The following EYS variants were observed in gnomAD, a reference collection of about 807,000 sequenced individuals.
EYS encodes EGF-like photoreceptor maintenance factor.
In EYS, 250 loss-of-function variants were observed where a neutral mutation model predicts 282.1. The ratio of observed to expected loss-of-function variants is 0.89; its 90% CI spans 0.80 to 0.98. The LOEUF (loss-of-function observed/expected upper bound fraction) is 0.98. Ranked by LOEUF, EYS falls within the 50% of genes least tolerant of loss-of-function variation. The pLI is 0.00. For missense variants in EYS, 4,016 were observed against 3,709.0 expected, an observed-to-expected ratio of 1.08 and a Z score of -2.15; for synonymous variants, 1,355 against 1,282.9, an observed-to-expected ratio of 1.06 and a Z score of -1.20.
intron 35 of EYS, among the ~76,000 whole-genome samples, chr6:63,868,526 A>G (rs1278098624): frequency 2.6e-5 from 4 of 152,154 alleles, no homozygotes; most frequent in Admixed American, 2.6e-4. Context: ...CCACAGTGTC[A>G]AGAGAGGGAG....
At chr6:64,866,323 A>G (rs1283735463) in intron 19 of EYS, among the ~76,000 whole-genome samples, 1 of 151,944 alleles carries the variant, frequency 6.6e-6, no homozygotes, top group Non-Finnish European at 1.5e-5. Flanking sequence ...ATTGCATCCT[A>G]TAGGCAACAA....
At chr6:64,168,448 ATC>A (rs1340586403) in intron 31 of EYS, among the ~76,000 whole-genome samples, 3 of 152,208 alleles carry the variant, frequency 2.0e-5, no homozygotes, top group Admixed American at 6.5e-5. Flanking sequence ...ACTCCTAGGT[ATC>A]TAAGCAAGAG....
chr6:63,898,612 T>C (rs1773591435), intron 35 of EYS, among the ~76,000 whole-genome samples: 1 of 152,138 alleles, frequency 6.6e-6, no homozygotes, highest in African/African-American at 2.4e-5. Flanking sequence ...TCCAAATTCT[T>C]GATAGTGTTT....
At chr6:65,704,578 A>G (rs778371504) in intron 1 of EYS, among the ~76,000 whole-genome samples, 6 of 152,222 alleles carry the variant, frequency 3.9e-5, no homozygotes, top group Non-Finnish European at 7.3e-5. Context: ...TCACAAAATA[A>G]TAGACTGTTA....
At chr6:64,018,587 C>A (rs891070385) in intron 33 of EYS, among the ~76,000 whole-genome samples, 1 of 151,944 alleles carries the variant, frequency 6.6e-6, no homozygotes, top group Admixed American at 6.6e-5. Flanking sequence ...TGATGTCTAG[C>A]ATATGGTAGA....
Position 64,437,715 on chromosome 6 carries a change from ATATGAAGGC to A in EYS, c.5835+1438_5835+1446del, listed in dbSNP as rs570272078. ...AGAATTATACCTGGGACATAATTAT[ATATGAAGGC>A]TATGAAGGCTAGCTTTTTTTTCCTT... On this transcript the variant is annotated intron_variant, in intron 27 of 42. Coordinates refer to ENST00000503581, the MANE Select transcript of EYS (RefSeq NM_001142800.2). Among the ~76,000 whole-genome samples the A allele has an allele frequency of 7.5e-4, 113 of 151,344 alleles. 1 individual carries two copies. The East Asian group carries it at 0.019, about 25-fold the overall frequency.
intron 29 of EYS, among the ~76,000 whole-genome samples, chr6:64,373,644 A>T (rs980313435): frequency 1.3e-5 from 2 of 152,152 alleles, no homozygotes; most frequent in African/African-American, 4.8e-5. Flanking sequence ...AAATTCAGGA[A>T]GAAGTAGGAC....
chr6:63,981,384 ATTG>A (rs765851361), intron 35 of EYS, among the ~76,000 whole-genome samples: 85 of 151,872 alleles, frequency 5.6e-4, no homozygotes, highest in Non-Finnish European at 9.6e-4. Flanking sequence ...TTAAAAAAAA[ATTG>A]TTGTTCTGGA....
In EYS at chr6:64,184,326, A is replaced by G. The variant is rs185621592; in HGVS notation, c.6424+46266T>C. On this transcript the variant is annotated intron_variant, in intron 31 of 42. Transcript: ENST00000503581. Reference sequence around the variant, plus strand: ...TGAATCTTCTAGTTATTTGATCAAAAAAGCTACCTAACCATGTGCCTTCTG... The same window carrying G: ...TGAATCTTCTAGTTATTTGATCAAAGAAGCTACCTAACCATGTGCCTTCTG... 8.2e-3 allele frequency among the ~76,000 whole-genome samples: 1,242 copies of G among 152,300 alleles called. 11 individuals carry two copies. The highest frequency in any genetic ancestry group is 0.014 in the Non-Finnish European group (940 of 68,030).
intron 11 of EYS, among the ~76,000 whole-genome samples, chr6:65,309,433 G>C (rs908235216): frequency 6.6e-6 from 1 of 152,112 alleles, no homozygotes; most frequent in Non-Finnish European, 1.5e-5. Flanking sequence ...CATGGGGCCT[G>C]ATAGACTTGT....
chr6:65,301,373 G>T (rs1768818990), intron 11 of EYS, among the ~76,000 whole-genome samples: 1 of 152,190 alleles, frequency 6.6e-6, no homozygotes, highest in East Asian at 1.9e-4. Context: ...CGTCATAGAG[G>T]AACTACACCT....
chr6:65,700,298 C>T (rs1340804791), intron 1 of EYS, among the ~76,000 whole-genome samples: 1 of 151,640 alleles, frequency 6.6e-6, no homozygotes, highest in Non-Finnish European at 1.5e-5. Flanking sequence ...TCAACTAAGA[C>T]CGTGACAGTG....
chr6:64,545,425 GC>G (rs1277131780), intron 26 of EYS, among the ~76,000 whole-genome samples: 1 of 152,160 alleles, frequency 6.6e-6, no homozygotes, highest in African/African-American at 2.4e-5. Flanking sequence ...TACCGAATGA[GC>G]AAAAACTGGA....
intron 28 of EYS, among the ~76,000 whole-genome samples, chr6:64,424,644 C>A (rs1229711891): frequency 6.6e-6 from 1 of 152,136 alleles, no homozygotes; most frequent in Non-Finnish European, 1.5e-5. Context: ...CAACACCTGC[C>A]CACCGTTGAA....
intron 30 of EYS, among the ~76,000 whole-genome samples, chr6:64,281,688 G>C (rs1373419113): frequency 2.6e-5 from 4 of 151,964 alleles, no homozygotes; most frequent in Non-Finnish European, 5.9e-5. Context: ...GTAATGTCTG[G>C]TCATTTCTAG....
intron 2 of EYS, among the ~76,000 whole-genome samples, chr6:65,545,253 C>A (rs1381467285): frequency 1.4e-5 from 2 of 144,602 alleles, no homozygotes; most frequent in Non-Finnish European, 3.0e-5. Context: ...TTTTTTTTTT[C>A]TCTGATCATT....
chr6:64,423,520 C>G (rs1774303284), intron 28 of EYS, among the ~76,000 whole-genome samples: 1 of 152,100 alleles, frequency 6.6e-6, no homozygotes. Context: ...TGATACAATA[C>G]CAACAGAGGA....
chr6:64,806,626 G>A (rs1764437807), intron 22 of EYS, among the ~76,000 whole-genome samples: 1 of 151,882 alleles, frequency 6.6e-6, no homozygotes, highest in Non-Finnish European at 1.5e-5. Flanking sequence ...AAGGTAGAAA[G>A]AGTAATAAAG....
intron 29 of EYS, among the ~76,000 whole-genome samples, chr6:64,350,379 T>C (rs547293727): frequency 8.2e-4 from 125 of 151,780 alleles, no homozygotes; most frequent in African/African-American, 2.9e-3. Flanking sequence ...AATTAATGAA[T>C]TGATTCACAA....
Sources: gnomAD v4.1 joint callset for allele counts (sites outside exome capture counted in the v4.1 genomes callset) on GRCh38, gnomAD v4.1.1 for gene constraint, MANE v1.5 for transcripts, NCBI Gene and HGNC (gene_info 2026-07-23, HGNC 2026-07-21) for gene names.